LSAMP: variants seen among roughly 807,000 people sequenced by gnomAD.
The protein encoded by LSAMP is limbic system-associated membrane protein.
LSAMP carries 7 observed loss-of-function variants against 38.6 expected under a neutral mutation model. The ratio of observed to expected loss-of-function variants is 0.18; its 90% CI spans 0.10 to 0.34. The LOEUF is 0.34. LSAMP is among the 10% of genes least tolerant of loss of function. LSAMP has a pLI of 1.00. For missense variants in LSAMP, 313 were observed against 420.0 expected (o/e 0.75, Z 2.23); for synonymous variants, 154 against 166.8 (o/e 0.92, Z 0.59).
intron 3 of LSAMP, among the ~76,000 whole-genome samples, chr3:115,944,286 CAA>C (rs1198434342): frequency 6.6e-6 from 1 of 152,096 alleles, no homozygotes; most frequent in Non-Finnish European, 1.5e-5. Context: ...CGACCCTAGG[CAA>C]TTAAAGACAA....
chr3:115,914,459 A>C (rs1462786451), intron 3 of LSAMP, among the ~76,000 whole-genome samples: 3 of 151,996 alleles, frequency 2.0e-5, no homozygotes, highest in Admixed American at 2.0e-4. Context: ...CCTCTCAATA[A>C]TTTTCCATAC....
chr3:115,881,157 G>A (rs1936313337), intron 3 of LSAMP, among the ~76,000 whole-genome samples: 1 of 152,074 alleles, frequency 6.6e-6, no homozygotes, highest in Non-Finnish European at 1.5e-5. Context: ...ACTTCAACAA[G>A]TAGTGTTTTT....
intron 1 of LSAMP, among the ~76,000 whole-genome samples, chr3:116,327,278 T>C (rs2047786262): frequency 6.6e-6 from 1 of 152,184 alleles, no homozygotes; most frequent in Non-Finnish European, 1.5e-5. Flanking sequence ...GTCATGCCCA[T>C]GTTCCTGCAT....
intron 1 of LSAMP, among the ~76,000 whole-genome samples, chr3:116,387,352 A>G (rs958631955): frequency 6.6e-6 from 1 of 152,172 alleles, no homozygotes; most frequent in African/African-American, 2.4e-5. Flanking sequence ...CTACAATTAG[A>G]ACAATTTAGA....
At chr3:116,239,551 ATGT>A (rs1158636591) in intron 1 of LSAMP, among the ~76,000 whole-genome samples, 1 of 152,196 alleles carries the variant, frequency 6.6e-6, no homozygotes, top group Non-Finnish European at 1.5e-5. Context: ...ATAAATTAAC[ATGT>A]TGTACCCTAA....
At chr3:116,366,456 T>A (rs2048354712) in intron 1 of LSAMP, among the ~76,000 whole-genome samples, 1 of 152,160 alleles carries the variant, frequency 6.6e-6, no homozygotes, top group African/African-American at 2.4e-5. Flanking sequence ...TATAGTCTTT[T>A]GACACTGATT....
chr3:116,043,638 T>C (rs894403409), intron 2 of LSAMP, among the ~76,000 whole-genome samples: 1 of 152,128 alleles, frequency 6.6e-6, no homozygotes, highest in Admixed American at 6.5e-5. Flanking sequence ...TGGATCTATA[T>C]GAAAATGAAA....
At chr3:116,434,629 C>T (rs762816916) in intron 1 of LSAMP, among the ~76,000 whole-genome samples, 4 of 152,262 alleles carry the variant, frequency 2.6e-5, no homozygotes, top group African/African-American at 4.8e-5. Context: ...TCTCGGCTCA[C>T]TGAAACTCTG....
intron 1 of LSAMP, among the ~76,000 whole-genome samples, chr3:116,275,221 T>C (rs1040254257): frequency 2.7e-5 from 4 of 149,456 alleles, no homozygotes; most frequent in African/African-American, 9.8e-5. Context: ...CCTGGCTAAT[T>C]AAAAAAAAAA....
At chr3:116,240,679 G>A (rs1365791105) in intron 1 of LSAMP, among the ~76,000 whole-genome samples, 1 of 152,132 alleles carries the variant, frequency 6.6e-6, no homozygotes, top group Non-Finnish European at 1.5e-5. Context: ...TCCATGGACT[G>A]TTGGACTTTT....
chr3:116,408,363 A>C (rs1455410975), intron 1 of LSAMP, among the ~76,000 whole-genome samples: 1 of 152,114 alleles, frequency 6.6e-6, no homozygotes, highest in African/African-American at 2.4e-5. Flanking sequence ...TAAAATCAAA[A>C]ATTTATTTGA....
chr3:116,366,793 C>T (rs1576165947), intron 1 of LSAMP, among the ~76,000 whole-genome samples: 2 of 152,220 alleles, frequency 1.3e-5, no homozygotes, highest in East Asian at 3.9e-4. Flanking sequence ...AGGAATGATG[C>T]TATGTACAAA....
chr3:115,939,050 C>A (rs951754077), intron 3 of LSAMP, among the ~76,000 whole-genome samples: 9 of 152,042 alleles, frequency 5.9e-5, no homozygotes, highest in Non-Finnish European at 1.2e-4. Flanking sequence ...AACATAATAA[C>A]AAAGGGAATA....
chr3:115,988,906 CAATT>C (rs1939588090), intron 3 of LSAMP, among the ~76,000 whole-genome samples: 1 of 151,994 alleles, frequency 6.6e-6, no homozygotes, highest in African/African-American at 2.4e-5. Flanking sequence ...TACTTGAAAA[CAATT>C]AAAACTCTTT....
intron 1 of LSAMP, among the ~76,000 whole-genome samples, chr3:116,428,567 G>A (rs1217592520): frequency 6.6e-6 from 1 of 152,108 alleles, no homozygotes; most frequent in African/African-American, 2.4e-5. Flanking sequence ...ACTCAAAAAA[G>A]AGTAATACAT....
chr3:115,868,731 A>G (rs566912553), intron 3 of LSAMP, among the ~76,000 whole-genome samples: 1 of 152,300 alleles, frequency 6.6e-6, no homozygotes, highest in South Asian at 2.1e-4. Context: ...TAAAGATTTA[A>G]TCTTCTTTTT....
intron 3 of LSAMP, among the ~76,000 whole-genome samples, chr3:115,970,428 C>T (rs1938977177): frequency 6.6e-6 from 1 of 152,048 alleles, no homozygotes; most frequent in Non-Finnish European, 1.5e-5. Context: ...GGTGTTTTCC[C>T]CTTGGCAGTA....
At chr3:115,891,399 G>C (rs1936596337) in intron 3 of LSAMP, among the ~76,000 whole-genome samples, 1 of 151,992 alleles carries the variant, frequency 6.6e-6, no homozygotes, top group South Asian at 2.1e-4. Flanking sequence ...GCCTGGGCTG[G>C]CCTGATGAAA....
At chr3:115,878,162 G>A (rs951380331) in intron 3 of LSAMP, among the ~76,000 whole-genome samples, 1 of 152,072 alleles carries the variant, frequency 6.6e-6, no homozygotes. Context: ...AACTCAGAAA[G>A]GGGAATATCA....
Sources: allele counts gnomAD v4.1 joint callset (sites outside exome capture counted in the v4.1 genomes callset), GRCh38; gene constraint gnomAD v4.1.1; transcripts MANE v1.5; gene names NCBI Gene and HGNC (gene_info 2026-07-23, HGNC 2026-07-21).